CPT2: variants seen among roughly 807,000 people sequenced by gnomAD.
CPT2 encodes the protein carnitine palmitoyltransferase 2.
Under a neutral mutation model 48.6 loss-of-function variants are expected in CPT2, and 37 were observed. That is an observed-to-expected ratio of 0.76 (90% CI 0.59 to 1.00). CPT2 has a LOEUF of 1.00. CPT2 is among the 50% of genes least tolerant of loss of function. The probability of loss-of-function intolerance (pLI) is 0.00; values close to 1 mark genes in which losing one functional copy is unlikely to be tolerated. For missense variants in CPT2, 772 were observed against 825.6 expected (o/e 0.94, Z 0.80); for synonymous variants, 319 against 326.9 (o/e 0.98, Z 0.26).
intron 1 of CPT2, 96 bp downstream of exon 1, chr1:53,197,191 T>C (rs1434037117): frequency 1.4e-6 from 2 of 1,451,620 alleles, no homozygotes; most frequent in African/African-American, 2.8e-5. Context: ...TGAACCCGTT[T>C]CCGCCCCCAA....
rs1373717836 is a variant in CPT2 at position 53,197,024 on chromosome 1, C to T, written c.81C>T (p.Ala27=). 6.5e-7 allele frequency: 1 copy of T among 1,535,972 alleles called. No homozygotes were observed. The change falls in exon 1 of 5, where the codon GCC becomes GCT. Residue 27 remains alanine (A), a synonymous_variant. Transcript: ENST00000371486. ...GAGCCCCCAGTCGGCCCCTCAGCGC[C>T]GGCTCCGGGCCCGGCCAGTACCTGC... ...GPGAPSRPLS[A]GSGPGQYLQR...
At chr1:53,202,190 T>C (rs1158495179) in intron 2 of CPT2, 133 bp from the exon 3 acceptor site, 11 of 711,080 alleles carry the variant, frequency 1.5e-5, no homozygotes, top group Non-Finnish European at 2.6e-5. Context: ...TTAGAGGTAC[T>C]TTCTGATCTC....
intron 1 of CPT2, chr1:53,200,400 G>A (rs955455482): frequency 2.2e-5 from 7 of 319,096 alleles, no homozygotes; most frequent in African/African-American, 1.5e-4. Context: ...TACAGTGTTA[G>A]CACAGGTGTT....
intron 1 of CPT2, among the ~76,000 whole-genome samples, chr1:53,198,267 GCTT>G (rs1557712573): frequency 6.6e-6 from 1 of 152,130 alleles, no homozygotes; most frequent in Non-Finnish European, 1.5e-5. Context: ...TAGAGGCCAG[GCTT>G]CTTCCCCATG....
At chr1:53,211,434 C>T (rs1048165679) in intron 4 of CPT2, 115 bp downstream of exon 4, 17 of 1,093,336 alleles carry the variant, frequency 1.6e-5, no homozygotes, top group East Asian at 2.6e-5. Context: ...TTTAATCCAT[C>T]GCCAACTCCC....
chr1:53,212,908 CTTTTAG>C, intron 4 of CPT2: 2 of 488,434 alleles, frequency 4.1e-6, no homozygotes, highest in African/African-American at 2.0e-5. Flanking sequence ...TTGAATCAGA[CTTTTAG>C]TTTTATTGTA....
chr1:53,210,316 G>A lies in CPT2; in HGVS notation c.642G>A (p.Met214Ile). 6.2e-7 allele frequency: 1 copy of A among 1,614,140 alleles called. No individual in the cohort carries two copies. Among genetic ancestry groups the A allele is most frequent in the Non-Finnish European group, 8.5e-7 (1 of 1,180,034 alleles). Reference protein sequence around the residue: ...AYLVNAYPLDMSQYFRLFNST... With the variant: ...AYLVNAYPLDISQYFRLFNST... Reference sequence around the variant, plus strand: ...TGGTCAATGCGTATCCCCTGGATATGTCCCAGTATTTTCGGCTTTTCAACT... The same window carrying A: ...TGGTCAATGCGTATCCCCTGGATATATCCCAGTATTTTCGGCTTTTCAACT... The change falls in exon 4 of 5, where the codon ATG becomes ATA. Residue 214 changes from methionine (M) to isoleucine (I), a missense_variant. Transcript: ENST00000371486.
intron 3 of CPT2, among the ~76,000 whole-genome samples, chr1:53,206,738 T>G (rs1645392103): frequency 6.6e-6 from 1 of 152,254 alleles, no homozygotes; most frequent in Admixed American, 6.5e-5. Context: ...TGAAAATAAC[T>G]AATTGGTTTT....
Position 53,210,052 on chromosome 1 carries a change from C to T in CPT2, c.378C>T (p.Ser126=), listed in dbSNP as rs780743357. The part of the protein sequence containing the change: ...WFDMYLSARD[S]VVLNFNPFMA... The stretch of plus-strand genomic sequence containing the variant: ...ATATGTACCTATCTGCTCGAGACTC[C>T]GTTGTTCTGAACTTTAATCCATTTA... Residue 126 remains serine, a synonymous_variant, in exon 4 of 5, where the codon TCC becomes TCT. Transcript: ENST00000371486. 13 of 1,613,870 alleles carry T rather than the reference C, an allele frequency of 8.1e-6. No homozygotes were observed. The Admixed American group carries it at 8.3e-5, about 10-fold the overall frequency.
chr1:53,198,965 CCTGA>C (rs1325329932), intron 1 of CPT2, among the ~76,000 whole-genome samples: 1 of 152,188 alleles, frequency 6.6e-6, no homozygotes, highest in African/African-American at 2.4e-5. Context: ...GGTGAAAAGC[CCTGA>C]CTTTGAGGTC....
chr1:53,212,521 A>G (rs887135866), intron 4 of CPT2, among the ~76,000 whole-genome samples: 1 of 152,224 alleles, frequency 6.6e-6, no homozygotes, highest in African/African-American at 2.4e-5. Flanking sequence ...CTGATTGGTT[A>G]TCAGACTCAC....
At position 53,211,349 on chromosome 1, in the gene CPT2, G is replaced by C. The variant is rs765161376; in HGVS notation, c.1645+30G>C. ...GGCAGGGGTGGGGAGCATGCCCTTG[G>C]GTCTTGTCCTCAGTGCTTGGGTAAG... On this transcript the variant is annotated intron_variant, in intron 4 of 4. Transcript: ENST00000371486. 1.1e-5 allele frequency: 17 copies of C among 1,559,626 alleles called. No homozygotes were observed. The South Asian group carries it at 2.0e-4, about 18-fold the overall frequency.
chr1:53,211,194 T>G lies in CPT2; in HGVS notation c.1520T>G (p.Val507Gly), dbSNP rs1228724988. 2 of 1,609,004 alleles carry G rather than the reference T, an allele frequency of 1.2e-6. No homozygotes were observed. The highest frequency in any genetic ancestry group is 1.7e-6 in the Non-Finnish European group (2 of 1,176,526). Residue 507 changes from valine (V) to glycine (G), a missense_variant, in exon 4 of 5, where the codon GTC becomes GGC. Physicochemically the swap from Val to Gly is moderately radical, Grantham distance 109 (BLOSUM62 -3). Coordinates refer to ENST00000371486, the MANE Select transcript of CPT2 (RefSeq NM_000098.3). The part of the protein sequence containing the change: ...GRTETIRPAS[V>G]YTKRCSEAFV... The stretch of plus-strand genomic sequence containing the variant: ...ACTGAGACCATCCGCCCGGCCTCCG[T>G]CTATACAAAGAGGTGCTCTGAGGCC...
At chr1:53,202,603 T>C in intron 3 of CPT2, 174 bp downstream of exon 3, 1 of 663,040 alleles carries the variant, frequency 1.5e-6, no homozygotes, top group Admixed American at 2.1e-5. Context: ...CCTCCTCTAC[T>C]GAGGTGTTGA....
At chr1:53,201,130 A>T (rs1383438816) in intron 2 of CPT2, 2 of 388,464 alleles carry the variant, frequency 5.1e-6, no homozygotes, top group African/African-American at 4.1e-5. Context: ...TCCATTGAGG[A>T]GACCATACGG....
chr1:53,202,247 T>TA lies in CPT2; in HGVS notation c.234-76_234-75insA, dbSNP rs1004800583. On this transcript the variant is annotated intron_variant, in intron 2 of 4. Coordinates refer to ENST00000371486, the MANE Select transcript of CPT2 (RefSeq NM_000098.3). ...CTGTTGGGGACCCAAAACTCTATTA[T>TA]GAGTTCCTCGCCATGAACCTAAAAA... 74 of 1,177,710 alleles carry TA rather than the reference T, an allele frequency of 6.3e-5. No homozygotes were observed. In the Middle Eastern group the frequency reaches 1.8e-3, roughly 28 times the overall value. The allele number at this position is 1,177,710 out of a possible 1,614,324, so 73.0% of individuals were successfully genotyped here.
At chr1:53,197,647 A>G (rs991613205) in intron 1 of CPT2, 18 of 214,276 alleles carry the variant, frequency 8.4e-5, no homozygotes, top group South Asian at 5.8e-4. Flanking sequence ...AGCCCCCACA[A>G]GCACAGCCCT....
chr1:53,198,965 C>T (rs1007717693), intron 1 of CPT2, among the ~76,000 whole-genome samples: 7 of 152,306 alleles, frequency 4.6e-5, no homozygotes, highest in Non-Finnish European at 8.8e-5. Context: ...GGTGAAAAGC[C>T]CTGACTTTGA....
At position 53,210,432 on chromosome 1, in the gene CPT2, T is replaced by A; in HGVS notation, c.758T>A (p.Ile253Asn). The A allele has an allele frequency of 6.2e-7, 1 of 1,614,130 alleles. No individual in the cohort carries two copies. Among genetic ancestry groups the A allele is most frequent in the Non-Finnish European group, 8.5e-7 (1 of 1,180,032 alleles). Residue 253 changes from isoleucine to asparagine, a missense_variant, in exon 4 of 5, where the codon ATC (isoleucine) becomes AAC (asparagine). Coordinates refer to ENST00000371486, the MANE Select transcript of CPT2 (RefSeq NM_000098.3). ...LLVLRKGNFY[I>N]FDVLDQDGNI... ...GTCCTAAGGAAAGGAAATTTTTATA[T>A]CTTTGATGTCCTGGATCAAGATGGG...
Sources: gnomAD v4.1 joint callset for allele counts (sites outside exome capture counted in the v4.1 genomes callset) on GRCh38, gnomAD v4.1.1 for gene constraint, MANE v1.5 for transcripts, NCBI Gene and HGNC (gene_info 2026-07-23, HGNC 2026-07-21) for gene names.